Variants in C5AR1 observed in about 807,000 individuals in gnomAD.
C5AR1 encodes the protein complement C5a receptor 1, also known as C5a anaphylatoxin chemotactic receptor 1.
Under a neutral mutation model 2.4 loss-of-function variants are expected in C5AR1, and 4 were observed. The observed-to-expected ratio is 1.65, with a 90% CI of 0.81 to 3.77. C5AR1 has a LOEUF of 3.77. C5AR1 is among the 30% of genes most tolerant of loss of function. The pLI, the probability that C5AR1 is intolerant of heterozygous loss-of-function variation, is 0.01. For missense variants in C5AR1, 418 were observed against 462.5 expected, an observed-to-expected ratio of 0.90 and a Z score of 0.88; for synonymous variants, 209 against 210.4, an observed-to-expected ratio of 0.99 and a Z score of 0.06.
Position 47,321,250 on chromosome 19 carries a change from A to G in C5AR1, c.*420A>G, listed in dbSNP as rs2059310096. The G allele has an allele frequency of 6.5e-6, 1 of 154,914 alleles. No homozygotes were observed. The highest frequency in any genetic ancestry group is 1.4e-5 in the Non-Finnish European group (1 of 69,724). 9.6% of individuals were successfully genotyped at this position (154,914 alleles called of 1,614,324 possible). ...GGAAAATATGTAACTGGAATCTCAA[A>G]AGTTCTTTGGGACAAAACAGAAGTC... On this transcript the variant is annotated 3_prime_UTR_variant, in exon 2 of 2. Transcript: ENST00000355085.
In C5AR1 at chr19:47,321,352, T is replaced by TA. The variant is rs2059310336; in HGVS notation, c.*524dup. 1 of 152,476 alleles carries TA rather than the reference T, an allele frequency of 6.6e-6. No individual in the cohort carries two copies. Among genetic ancestry groups the TA allele is most frequent in the South Asian group, 2.0e-4 (1 of 4,900 alleles). The allele number at this position is 152,476 out of a possible 1,614,324, so 9.4% of individuals were successfully genotyped here. A position where few individuals can be genotyped will look rare whatever the true frequency, so the allele number is the denominator to read the frequency against. ...GGCTGAGAGCAGTGGCTCACGCCTG[T>TA]AATCCCAGAACTTTGGGAGGCTAAG... On this transcript the variant is annotated 3_prime_UTR_variant, in exon 2 of 2. Coordinates refer to ENST00000355085, the MANE Select transcript of C5AR1 (RefSeq NM_001736.4).
chr19:47,319,825 C>T lies in C5AR1; in HGVS notation c.48C>T (p.Asp16=). The T allele has an allele frequency of 6.2e-7, 1 of 1,613,748 alleles. No individual in the cohort carries two copies. The highest frequency in any genetic ancestry group is 8.5e-7 in the Non-Finnish European group (1 of 1,179,694). The change falls in exon 2 of 2, where the codon GAC becomes GAT. Residue 16 remains aspartate (D), a synonymous_variant. Transcript: ENST00000355085. ...YTTPDYGHYD[D]KDTLDLNTPV... Reference sequence around the variant, plus strand: ...CCCCTGATTATGGGCACTATGATGACAAGGATACCCTGGACCTCAACACCC... The same window carrying T: ...CCCCTGATTATGGGCACTATGATGATAAGGATACCCTGGACCTCAACACCC...
chr19:47,318,439 G>A (rs1368522750), intron 1 of C5AR1, among the ~76,000 whole-genome samples: 3 of 151,784 alleles, frequency 2.0e-5, no homozygotes, highest in South Asian at 4.2e-4. Flanking sequence ...GATTACAGGT[G>A]CCCGCCACCA....
At position 47,320,483 on chromosome 19, in the gene C5AR1, C is replaced by T. The variant is rs761722940; in HGVS notation, c.706C>T (p.Arg236Trp). ...CCGGACGTGGAGCCGCAGGGCCACG[C>T]GGTCCACCAAGACACTCAAGGTGGT... is the stretch of plus-strand genomic sequence containing the variant. ...LLRTWSRRAT[R>W]STKTLKVVVA... The change falls in exon 2 of 2, where the codon CGG becomes TGG. Residue 236 changes from arginine to tryptophan, a missense_variant. Coordinates refer to ENST00000355085, the MANE Select transcript of C5AR1 (RefSeq NM_001736.4). The surrounding 1 kb of genome is among the most constrained non-coding windows in gnomAD (Gnocchi z 4.9). The T allele has an allele frequency of 6.8e-6, 11 of 1,613,458 alleles. No homozygotes were observed. The highest frequency in any genetic ancestry group is 1.1e-5 in the South Asian group (1 of 91,074).
intron 1 of C5AR1, among the ~76,000 whole-genome samples, chr19:47,314,119 C>T (rs1004989136): frequency 2.0e-5 from 3 of 152,206 alleles, no homozygotes; most frequent in African/African-American, 7.2e-5. Context: ...CTCCCAGCTT[C>T]TGCTCTCTGC....
chr19:47,319,373 AT>A (rs1166425831), intron 1 of C5AR1, among the ~76,000 whole-genome samples: 4 of 125,174 alleles, frequency 3.2e-5, no homozygotes, highest in African/African-American at 1.2e-4. Flanking sequence ...CAATGGTATG[AT>A]CTCGGCTCAC....
intron 1 of C5AR1, among the ~76,000 whole-genome samples, chr19:47,318,451 G>A (rs1485559088): frequency 2.0e-5 from 3 of 151,750 alleles, no homozygotes; most frequent in Non-Finnish European, 4.4e-5. Flanking sequence ...CCGCCACCAC[G>A]CCTGGCTAAT....
upstream of C5AR1, among the ~76,000 whole-genome samples, chr19:47,308,823 G>A (rs1291110423): frequency 1.3e-5 from 2 of 151,044 alleles, no homozygotes; most frequent in African/African-American, 4.9e-5. Flanking sequence ...TGCCCAGGCT[G>A]GAGTGCAGTG....
chr19:47,314,004 C>T (rs1012977547), intron 1 of C5AR1, among the ~76,000 whole-genome samples: 1 of 152,164 alleles, frequency 6.6e-6, no homozygotes, highest in Non-Finnish European at 1.5e-5. Flanking sequence ...ACTGCGCCTT[C>T]TCCTTCACCC....
chr19:47,311,647 C>T (rs988095452), intron 1 of C5AR1, among the ~76,000 whole-genome samples: 2 of 152,166 alleles, frequency 1.3e-5, no homozygotes, highest in African/African-American at 2.4e-5. Context: ...TCACCACAAC[C>T]TCTGCCTCGC....
At position 47,310,393 on chromosome 19, in the gene C5AR1, A is replaced by C. The variant is rs141328068; in HGVS notation, c.3+495A>C. ...TTCCACAAGTGAAGAAATCTAGAAC[A>C]GGCCTTCCAGGCAGTGGGAATGGCA... On this transcript the variant is annotated intron_variant, in intron 1 of 1. Transcript: ENST00000355085. Among the ~76,000 whole-genome samples the C allele has an allele frequency of 5.6e-4, 86 of 152,262 alleles. 1 individual carries two copies. The highest frequency in any genetic ancestry group is 2.0e-3 in the African/African-American group (84 of 41,572).
Position 47,320,418 on chromosome 19 carries a change from C to T in C5AR1, c.641C>T (p.Pro214Leu), listed in dbSNP as rs1285135162. The change falls in exon 2 of 2, where the codon CCT becomes CTT. Residue 214 changes from proline to leucine, a missense_variant. Transcript: ENST00000355085. The surrounding 1 kb of genome is among the most constrained non-coding windows in gnomAD (Gnocchi z 4.9). Reference protein sequence around the residue: ...IVRLVLGFLWPLLTLTICYTF... With the variant: ...IVRLVLGFLWLLLTLTICYTF... ...CGGCTGGTCCTGGGCTTCCTGTGGC[C>T]TCTACTCACGCTCACGATTTGTTAC... The T allele has an allele frequency of 1.9e-6, 3 of 1,610,842 alleles. No individual in the cohort carries two copies. The highest frequency in any genetic ancestry group is 3.3e-4 in the Middle Eastern group (2 of 6,062).
In C5AR1 at chr19:47,320,344, CG is replaced by C. The variant is rs755599993; in HGVS notation, c.568del (p.Val190TrpfsTer71). ...EYFPPKVLCG[V>X]DYSHDKRRER... ...ACTTTCCACCAAAGGTGTTGTGTGG[CG>C]TGGACTACAGCCACGACAAACGGCG... On this transcript the variant is annotated frameshift_variant, in exon 2 of 2. Coordinates refer to ENST00000355085, the MANE Select transcript of C5AR1 (RefSeq NM_001736.4). LOFTEE classifies it low-confidence loss of function (END_TRUNC). The surrounding 1 kb of genome is among the most constrained non-coding windows in gnomAD (Gnocchi z 4.9). 6.2e-7 allele frequency: 1 copy of C among 1,609,776 alleles called. No homozygotes were observed. Among genetic ancestry groups the C allele is most frequent in the Non-Finnish European group, 8.5e-7 (1 of 1,179,988 alleles).
chr19:47,309,591 ATGAG>A (rs2059263657), upstream of C5AR1, among the ~76,000 whole-genome samples: 1 of 150,338 alleles, frequency 6.7e-6, no homozygotes, highest in African/African-American at 2.4e-5. Flanking sequence ...AAAAAAAAAA[ATGAG>A]AGAGAAGAGA....
At chr19:47,310,044 C>A in intron 1 of C5AR1, 146 bp downstream of exon 1, 2 of 753,796 alleles carry the variant, frequency 2.7e-6, no homozygotes, top group Non-Finnish European at 4.3e-6. Flanking sequence ...TTCCACCTCC[C>A]ACCTTCCCTC....
At chr19:47,309,124 C>T (rs779705474), upstream of C5AR1, among the ~76,000 whole-genome samples, 22 of 152,110 alleles carry the variant, frequency 1.4e-4, no homozygotes, top group Admixed American at 3.3e-4. Flanking sequence ...GGGCTACCTC[C>T]GCAGACTAGC....
Position 47,320,914 on chromosome 19 carries a change from G to A in C5AR1, c.*84G>A. 2.4e-6 allele frequency: 3 copies of A among 1,261,764 alleles called. No individual in the cohort carries two copies. The highest frequency in any genetic ancestry group is 3.3e-6 in the Non-Finnish European group (3 of 914,210). 78.2% of individuals were successfully genotyped at this position (1,261,764 alleles called of 1,614,324 possible). ...TCTTGTTTTCACTTCACTTTTCGTG[G>A]GATGGTGTTACCTTAGCTAACTAAC... On this transcript the variant is annotated 3_prime_UTR_variant, in exon 2 of 2. Coordinates refer to ENST00000355085, the MANE Select transcript of C5AR1 (RefSeq NM_001736.4). This position sits in a 1 kb window ranked among gnomAD's most constrained non-coding sequence, Gnocchi z 4.9.
Position 47,320,283 on chromosome 19 carries a change from T to C in C5AR1, c.506T>C (p.Ile169Thr). 1 of 1,613,178 alleles carries C rather than the reference T, an allele frequency of 6.2e-7. No individual in the cohort carries two copies. The highest frequency in any genetic ancestry group is 8.5e-7 in the Non-Finnish European group (1 of 1,180,016). ...TGGGGTTTAGCCCTGCTGCTGACCA[T>C]ACCCTCCTTCCTGTACCGGGTGGTC... ...VAWGLALLLT[I>T]PSFLYRVVRE... The change falls in exon 2 of 2, where the codon ATA becomes ACA. Residue 169 changes from isoleucine (I) to threonine (T), a missense_variant. Transcript: ENST00000355085. The surrounding 1 kb of genome is among the most constrained non-coding windows in gnomAD (Gnocchi z 4.9).
intron 1 of C5AR1, among the ~76,000 whole-genome samples, chr19:47,317,945 CA>C (rs544674013): frequency 5.8e-4 from 85 of 147,512 alleles, no homozygotes; most frequent in African/African-American, 2.1e-3. Flanking sequence ...CGTGCCACTG[CA>C]GTCCAGCGTG....
Sources: gnomAD v4.1 joint callset for allele counts (sites outside exome capture counted in the v4.1 genomes callset) on GRCh38, gnomAD v4.1.1 for gene constraint, Gnocchi (gnomAD v3.1) non-coding constraint, MANE v1.5 for transcripts, NCBI Gene and HGNC (gene_info 2026-07-23, HGNC 2026-07-21) for gene names.